Variants in ANKRD6 observed in about 807,000 individuals in gnomAD.
The protein encoded by ANKRD6 is ankyrin repeat domain 6.
Under a neutral mutation model 82.3 loss-of-function variants are expected in ANKRD6, and 56 were observed. The ratio of observed to expected loss-of-function variants is 0.68; its 90% CI spans 0.55 to 0.85. ANKRD6 has a LOEUF of 0.85. ANKRD6 is among the 40% of genes least tolerant of loss of function. The pLI is 0.00. For synonymous variants in ANKRD6, 347 were observed against 352.1 expected, an observed-to-expected ratio of 0.99 and a Z score of 0.16; for missense variants, 852 against 907.6, an observed-to-expected ratio of 0.94 and a Z score of 0.79.
chr6:89,515,501 T>C (rs1037575530), intron 1 of ANKRD6, among the ~76,000 whole-genome samples: 1 of 152,222 alleles, frequency 6.6e-6, no homozygotes, highest in Non-Finnish European at 1.5e-5. Flanking sequence ...AGGATTGGTA[T>C]GGTCGGCAGG....
chr6:89,461,664 A>G (rs1202465665), intron 1 of ANKRD6, among the ~76,000 whole-genome samples: 1 of 152,210 alleles, frequency 6.6e-6, no homozygotes, highest in Non-Finnish European at 1.5e-5. Flanking sequence ...ATATGGTAGT[A>G]TAAGCTCTCT....
At chr6:89,451,493 A>G (rs1451103661) in intron 1 of ANKRD6, among the ~76,000 whole-genome samples, 3 of 152,164 alleles carry the variant, frequency 2.0e-5, no homozygotes, top group African/African-American at 7.2e-5. Flanking sequence ...GACAGGTCTA[A>G]TTTCTCTCTA....
intron 1 of ANKRD6, among the ~76,000 whole-genome samples, chr6:89,470,726 G>A (rs150062640): frequency 6.6e-6 from 1 of 152,084 alleles, no homozygotes; most frequent in African/African-American, 2.4e-5. Flanking sequence ...CAGCACTATA[G>A]TGAACATCTT....
chr6:89,574,789 C>T (rs368159058), intron 2 of ANKRD6, among the ~76,000 whole-genome samples: 9 of 152,278 alleles, frequency 5.9e-5, no homozygotes, highest in Admixed American at 3.3e-4. Flanking sequence ...CCATGTGGTT[C>T]GAGAGTCCTT....
chr6:89,462,320 G>T (rs1774279618), intron 1 of ANKRD6, among the ~76,000 whole-genome samples: 1 of 151,224 alleles, frequency 6.6e-6, no homozygotes, highest in Non-Finnish European at 1.5e-5. Flanking sequence ...CTTCTTTTGG[G>T]GTTAAACTGT....
intron 1 of ANKRD6, among the ~76,000 whole-genome samples, chr6:89,543,655 G>T (rs2128011458): frequency 6.6e-6 from 1 of 152,260 alleles, no homozygotes; most frequent in South Asian, 2.1e-4. Flanking sequence ...TGTGCGTGTG[G>T]GTATTGCAGG....
At chr6:89,614,542 A>G (rs1801029807) in intron 7 of ANKRD6, among the ~76,000 whole-genome samples, 2 of 152,314 alleles carry the variant, frequency 1.3e-5, no homozygotes, top group African/African-American at 4.8e-5. Context: ...GCTACTCAGG[A>G]AGCTGAGGCA....
At chr6:89,547,078 G>C (rs777548965) in intron 1 of ANKRD6, among the ~76,000 whole-genome samples, 4 of 151,822 alleles carry the variant, frequency 2.6e-5, no homozygotes, top group Non-Finnish European at 5.9e-5. Context: ...CTCCCACCTC[G>C]GCCTCCCAAA....
chr6:89,480,962 A>AT (rs1776734497), intron 1 of ANKRD6, among the ~76,000 whole-genome samples: 1 of 147,834 alleles, frequency 6.8e-6, no homozygotes, highest in African/African-American at 2.5e-5. Context: ...AAAATAGAAG[A>AT]AGAAGAAGAA....
rs1475853054 is a variant in ANKRD6, at chr6:89,631,685, T to G, written c.*681T>G. On this transcript the variant is annotated 3_prime_UTR_variant, in exon 16 of 16. Transcript: ENST00000339746. ...AACAATGAGATCAAATGAGAAAGAT[T>G]CAAATTGTTTGTTATTTTCTGTATT... The G allele has an allele frequency of 1.3e-5, 2 of 152,208 alleles. No homozygotes were observed. The highest frequency in any genetic ancestry group is 4.8e-5 in the African/African-American group (2 of 41,448). 9.4% of individuals were successfully genotyped at this position (152,208 alleles called of 1,614,324 possible).
At chr6:89,452,829 C>T (rs544956752) in intron 1 of ANKRD6, among the ~76,000 whole-genome samples, 8 of 152,162 alleles carry the variant, frequency 5.3e-5, no homozygotes, top group Non-Finnish European at 7.3e-5. Flanking sequence ...GTAAACCTGG[C>T]GGCCAGGAAG....
intron 1 of ANKRD6, among the ~76,000 whole-genome samples, chr6:89,504,520 A>G (rs964578086): frequency 6.6e-6 from 1 of 151,948 alleles, no homozygotes; most frequent in Non-Finnish European, 1.5e-5. Flanking sequence ...CCTCTGCCTC[A>G]ACTTCTTGAG....
chr6:89,618,037 A>T lies in ANKRD6; in HGVS notation c.792+6A>T, dbSNP rs1003544747. 1 of 1,613,934 alleles carries T rather than the reference A, an allele frequency of 6.2e-7. No homozygotes were observed. Among genetic ancestry groups the T allele is most frequent in the East Asian group, 2.2e-5 (1 of 44,878 alleles). ...TCCTTACTAAAGCTCCCCAGGTAGG[A>T]TTTACTGCCCTTTCCATGGTACTGA... On this transcript the variant is annotated splice_donor_region_variant and intron_variant, in intron 9 of 15. Transcript: ENST00000339746.
At chr6:89,573,131 A>G (rs1790316655) in intron 2 of ANKRD6, among the ~76,000 whole-genome samples, 2 of 152,032 alleles carry the variant, frequency 1.3e-5, no homozygotes, top group Admixed American at 6.6e-5. Flanking sequence ...CCTAGCTGAT[A>G]ATAATGAGCA....
rs555435622 is a variant in ANKRD6 at position 89,520,332 on chromosome 6, T to G, written c.-143-46502T>G. 1.3e-4 allele frequency among the ~76,000 whole-genome samples: 20 copies of G among 152,310 alleles called. 1 individual carries two copies. The East Asian group carries it at 2.3e-3, about 18-fold the overall frequency. ...AGCCCTGCAACCTACAGCTGTCTAG[T>G]CAGTTACATAGCCTCCTATATCATC... On this transcript the variant is annotated intron_variant, in intron 1 of 15. Transcript: ENST00000339746.
chr6:89,445,505 C>T (rs1201687351), intron 1 of ANKRD6, among the ~76,000 whole-genome samples: 6 of 151,850 alleles, frequency 4.0e-5, no homozygotes, highest in Admixed American at 6.6e-5. Flanking sequence ...GGAGTGCAGT[C>T]AAGCAATCTC....
chr6:89,440,437 T>C (rs556914271), intron 1 of ANKRD6, among the ~76,000 whole-genome samples: 1 of 152,336 alleles, frequency 6.6e-6, no homozygotes, highest in African/African-American at 2.4e-5. Flanking sequence ...CTGTCTTCTG[T>C]GACTAACCTT....
Position 89,443,513 on chromosome 6 carries a change from C to A in ANKRD6, c.-144+10138C>A, listed in dbSNP as rs549830885. ...ACAGGGTCTCACTCTGTGACCCAGG[C>A]TGGAATGCAGAGGTGTGATCATGGT... On this transcript the variant is annotated intron_variant, in intron 1 of 15. Coordinates refer to ENST00000339746, the MANE Select transcript of ANKRD6 (RefSeq NM_001242809.2). Among the ~76,000 whole-genome samples the A allele has an allele frequency of 2.0e-5, 3 of 152,262 alleles. No individual in the cohort carries two copies. In the South Asian group the frequency reaches 6.2e-4, roughly 32 times the overall value.
At chr6:89,455,136 A>T (rs971857503) in intron 1 of ANKRD6, among the ~76,000 whole-genome samples, 3 of 145,120 alleles carry the variant, frequency 2.1e-5, no homozygotes, top group African/African-American at 7.7e-5. Context: ...GAGCCACCAC[A>T]CCCAGTGTGT....
Sources: gnomAD v4.1 joint callset for allele counts (sites outside exome capture counted in the v4.1 genomes callset) on GRCh38, gnomAD v4.1.1 for gene constraint, MANE v1.5 for transcripts, NCBI Gene and HGNC (gene_info 2026-07-23, HGNC 2026-07-21) for gene names.